Variants in AGBL4 observed in about 807,000 individuals in gnomAD.
The protein encoded by AGBL4 is AGBL carboxypeptidase 4.
AGBL4 carries 58 observed loss-of-function variants against 66.4 expected under a neutral mutation model. The observed-to-expected ratio is 0.87, with a 90% CI of 0.71 to 1.09. The LOEUF is 1.09. Ranked by LOEUF, AGBL4 falls within the 50% of genes least tolerant of loss-of-function variation. AGBL4 has a pLI of 0.00. For synonymous variants in AGBL4, 234 were observed against 222.9 expected, an observed-to-expected ratio of 1.05 and a Z score of -0.44; for missense variants, 579 against 631.0, an observed-to-expected ratio of 0.92 and a Z score of 0.88.
intron 1 of AGBL4, among the ~76,000 whole-genome samples, chr1:49,880,399 G>A (rs1647193782): frequency 6.6e-6 from 1 of 152,076 alleles, no homozygotes; most frequent in East Asian, 1.9e-4. Flanking sequence ...CTCAGCTGCA[G>A]GTCTGTTGGA....
rs1346330001 is a variant in AGBL4, at chr1:49,849,417, ATTATTATT to A, written c.157+1971_157+1978del. Among the ~76,000 whole-genome samples the A allele has an allele frequency of 1.5e-3, 189 of 129,406 alleles. 2 individuals are homozygous for A. Among genetic ancestry groups the A allele is most frequent in the Middle Eastern group, 4.2e-3 (1 of 240 alleles). 84.9% of individuals were successfully genotyped at this position (129,406 alleles called of 152,430 possible). ...ATTTATTATTATTATTATTATTATTATTATTATTATTATTATGTATATTCTGGTAAGAA... is the reference window on the plus strand; with the variant it reads ...ATTTATTATTATTATTATTATTATTAATTATTATGTATATTCTGGTAAGAA... On this transcript the variant is annotated intron_variant, in intron 2 of 13. Coordinates refer to ENST00000371839, the MANE Select transcript of AGBL4 (RefSeq NM_032785.4).
At chr1:49,329,955 T>C (rs1336879326) in intron 3 of AGBL4, among the ~76,000 whole-genome samples, 4 of 152,244 alleles carry the variant, frequency 2.6e-5, no homozygotes, top group Non-Finnish European at 5.9e-5. Flanking sequence ...GCATCTGCAG[T>C]GCTCTGCTCC....
intron 1 of AGBL4, among the ~76,000 whole-genome samples, chr1:49,859,344 A>G (rs1024944944): frequency 6.6e-6 from 1 of 152,238 alleles, no homozygotes; most frequent in Admixed American, 6.5e-5. Flanking sequence ...TCAGCAAAGT[A>G]TTAGCAAATC....
rs188788511 is a variant in AGBL4 at position 48,554,022 on chromosome 1, C to T, written c.1268-14284G>A. Among the ~76,000 whole-genome samples, 616 of 152,128 alleles carry T rather than the reference C, an allele frequency of 4.0e-3. 1 individual carries two copies. Among genetic ancestry groups the T allele is most frequent in the Non-Finnish European group, 6.5e-3 (439 of 67,948 alleles). On this transcript the variant is annotated intron_variant, in intron 11 of 13. Transcript: ENST00000371839. ...AAAGAACAGTGCAGCAAAGAAGATCCCTAGGAGGTAACTGCAAAACTCAGC... is the reference window on the plus strand; with the variant it reads ...AAAGAACAGTGCAGCAAAGAAGATCTCTAGGAGGTAACTGCAAAACTCAGC...
At chr1:49,100,980 A>G (rs574782226) in intron 4 of AGBL4, among the ~76,000 whole-genome samples, 6 of 152,190 alleles carry the variant, frequency 3.9e-5, no homozygotes, top group South Asian at 2.1e-4. Context: ...TCAAGTCCAA[A>G]TTAATGTCTA....
At chr1:48,954,436 T>C (rs1657262780) in intron 5 of AGBL4, among the ~76,000 whole-genome samples, 1 of 152,252 alleles carries the variant, frequency 6.6e-6, no homozygotes, top group Non-Finnish European at 1.5e-5. Flanking sequence ...TCAGTCTTTA[T>C]TATGTCAGGC....
At chr1:49,253,992 A>G (rs1652278896) in intron 3 of AGBL4, among the ~76,000 whole-genome samples, 1 of 152,192 alleles carries the variant, frequency 6.6e-6, no homozygotes, top group Non-Finnish European at 1.5e-5. Flanking sequence ...CTCTCAATAA[A>G]CTAAGTTTTG....
chr1:49,593,223 G>A (rs1330785080), intron 3 of AGBL4, among the ~76,000 whole-genome samples: 1 of 152,086 alleles, frequency 6.6e-6, no homozygotes, highest in African/African-American at 2.4e-5. Context: ...GGCTAACACG[G>A]TGAAACCCCG....
At chr1:48,528,203 A>G (rs1255531200), downstream of AGBL4, among the ~76,000 whole-genome samples, 2 of 152,206 alleles carry the variant, frequency 1.3e-5, no homozygotes, top group East Asian at 1.9e-4. Flanking sequence ...GAGTCACTCC[A>G]TAATACTACC....
intron 3 of AGBL4, among the ~76,000 whole-genome samples, chr1:49,320,906 C>T (rs1413269560): frequency 6.6e-6 from 1 of 152,030 alleles, no homozygotes; most frequent in Non-Finnish European, 1.5e-5. Context: ...CACAAGGTGG[C>T]AGGAGAGAGA....
intron 3 of AGBL4, among the ~76,000 whole-genome samples, chr1:49,479,856 C>T (rs374926225): frequency 1.2e-3 from 179 of 151,734 alleles, no homozygotes; most frequent in Non-Finnish European, 1.6e-3. Flanking sequence ...TACAGGCGCC[C>T]GCCACCACGC....
chr1:48,553,438 TCTGATGGGC>T (rs1437452177), intron 11 of AGBL4, among the ~76,000 whole-genome samples: 1 of 152,136 alleles, frequency 6.6e-6, no homozygotes, highest in South Asian at 2.1e-4. Context: ...AGAGAGGAGT[TCTGATGGGC>T]CTGGCTTCAG....
At chr1:49,753,651 C>T (rs1651652932) in intron 2 of AGBL4, among the ~76,000 whole-genome samples, 1 of 152,270 alleles carries the variant, frequency 6.6e-6, no homozygotes, top group Middle Eastern at 3.4e-3. Flanking sequence ...TGGATAATAT[C>T]CTGAACAGTG....
chr1:49,506,740 A>G (rs1054319532), intron 3 of AGBL4, among the ~76,000 whole-genome samples: 5 of 152,056 alleles, frequency 3.3e-5, no homozygotes, highest in African/African-American at 9.7e-5. Flanking sequence ...AGAATGGAAT[A>G]TGGTGGGAAA....
intron 4 of AGBL4, among the ~76,000 whole-genome samples, chr1:49,240,232 A>G (rs986740229): frequency 1.3e-5 from 2 of 152,126 alleles, no homozygotes; most frequent in African/African-American, 4.8e-5. Context: ...TGTTAAAATT[A>G]TGTTTACTTG....
chr1:49,285,027 T>C (rs1187763225), intron 3 of AGBL4, among the ~76,000 whole-genome samples: 1 of 151,618 alleles, frequency 6.6e-6, no homozygotes, highest in Non-Finnish European at 1.5e-5. Context: ...GCGGACCTAA[T>C]AGACATCTAC....
intron 5 of AGBL4, among the ~76,000 whole-genome samples, chr1:48,969,919 T>TG (rs1180803192): frequency 6.6e-6 from 1 of 152,228 alleles, no homozygotes; most frequent in Admixed American, 6.5e-5. Flanking sequence ...CAAACACATG[T>TG]GCTAGGCAGA....
intron 3 of AGBL4, among the ~76,000 whole-genome samples, chr1:49,313,884 T>C (rs1386873172): frequency 6.6e-6 from 1 of 152,214 alleles, no homozygotes; most frequent in African/African-American, 2.4e-5. Flanking sequence ...AGATCCCATT[T>C]GTCAATTTTG....
chr1:48,885,143 G>T (rs544175674), intron 5 of AGBL4, among the ~76,000 whole-genome samples: 4 of 152,238 alleles, frequency 2.6e-5, no homozygotes, highest in Admixed American at 1.3e-4. Flanking sequence ...TTCCTGTTTT[G>T]TTTAGCTCAC....
Sources: allele counts gnomAD v4.1 joint callset (sites outside exome capture counted in the v4.1 genomes callset), GRCh38; gene constraint gnomAD v4.1.1; transcripts MANE v1.5; gene names NCBI Gene and HGNC (gene_info 2026-07-23, HGNC 2026-07-21).